The following PEBP4 variants were observed in gnomAD, a reference collection of about 807,000 sequenced individuals.
The protein encoded by PEBP4 is phosphatidylethanolamine-binding protein 4.
In PEBP4, 22 loss-of-function variants were observed where a neutral mutation model predicts 23.9. The ratio of observed to expected loss-of-function variants is 0.92; its 90% CI spans 0.66 to 1.31. The LOEUF (loss-of-function observed/expected upper bound fraction) is 1.31, where lower values mean the gene tolerates loss of function less well. PEBP4 is among the 40% of genes most tolerant of loss of function. PEBP4 has a pLI of 0.00. For synonymous variants in PEBP4, 112 were observed against 99.3 expected (o/e 1.13, Z -0.76); for missense variants, 324 against 281.7 (o/e 1.15, Z -1.07).
intron 3 of PEBP4, among the ~76,000 whole-genome samples, chr8:22,846,549 G>A (rs927541724): frequency 2.6e-5 from 4 of 152,126 alleles, no homozygotes; most frequent in African/African-American, 7.2e-5. Context: ...TCACCACTGC[G>A]ATGCCCACAG....
At position 22,842,674 on chromosome 8, in the gene PEBP4, C is replaced by A. The variant is rs1807353019; in HGVS notation, c.259-24939G>T. Among the ~76,000 whole-genome samples, 3 of 152,100 alleles carry A rather than the reference C, an allele frequency of 2.0e-5. No homozygotes were observed. The East Asian group carries it at 5.8e-4, about 29-fold the overall frequency. ...ACAGCCATAGGAAGGGTGTGCAGGGCCGTTCCTACTGCCATAAGACGCAGG... is the reference window on the plus strand; with the variant it reads ...ACAGCCATAGGAAGGGTGTGCAGGGACGTTCCTACTGCCATAAGACGCAGG... On this transcript the variant is annotated intron_variant, in intron 3 of 6. Transcript: ENST00000256404.
At chr8:22,936,620 A>C (rs1333904187) in intron 1 of PEBP4, among the ~76,000 whole-genome samples, 1 of 152,192 alleles carries the variant, frequency 6.6e-6, no homozygotes, top group Non-Finnish European at 1.5e-5. Context: ...CGTTACTATG[A>C]TACCAAAGCC....
chr8:22,804,205 C>T (rs969492268), intron 4 of PEBP4, among the ~76,000 whole-genome samples: 2 of 152,164 alleles, frequency 1.3e-5, no homozygotes, highest in Non-Finnish European at 2.9e-5. Context: ...GTGGTATGCA[C>T]CTGTAGTCCT....
intron 4 of PEBP4, among the ~76,000 whole-genome samples, chr8:22,750,028 A>T (rs896623144): frequency 6.6e-6 from 1 of 151,316 alleles, no homozygotes; most frequent in Non-Finnish European, 1.5e-5. Flanking sequence ...TTGGTCTCGA[A>T]CTCCCGACCT....
intron 4 of PEBP4, among the ~76,000 whole-genome samples, chr8:22,744,052 T>A (rs1264060123): frequency 1.3e-5 from 2 of 152,230 alleles, no homozygotes; most frequent in Non-Finnish European, 2.9e-5. Flanking sequence ...AAAGAGATAC[T>A]TGCCCTGTGT....
At chr8:22,728,637 A>T (rs139075939) in intron 4 of PEBP4, among the ~76,000 whole-genome samples, 1,357 of 129,448 alleles carry the variant, frequency 0.01, 12 homozygotes, top group Admixed American at 0.016. Context: ...TCGCTCTGTC[A>T]TCCAGGCTGG....
chr8:22,751,653 TGTGTTGTGC>T (rs1282415866), intron 4 of PEBP4, among the ~76,000 whole-genome samples: 4 of 140,300 alleles, frequency 2.9e-5, no homozygotes, highest in Admixed American at 1.5e-4. Flanking sequence ...TGTGTGTGTG[TGTGTTGTGC>T]GTCTATATAT....
chr8:22,734,513 C>A (rs770162191), intron 4 of PEBP4, among the ~76,000 whole-genome samples: 1 of 152,182 alleles, frequency 6.6e-6, no homozygotes, highest in Non-Finnish European at 1.5e-5. Context: ...TTTCCTGGCA[C>A]CTTCATGGGC....
At chr8:22,758,585 G>C (rs1805439040) in intron 4 of PEBP4, among the ~76,000 whole-genome samples, 1 of 152,204 alleles carries the variant, frequency 6.6e-6, no homozygotes, top group Non-Finnish European at 1.5e-5. Context: ...TTTTGCACTT[G>C]CCTGGCTGTA....
chr8:22,864,613 G>C (rs898496245), intron 3 of PEBP4, among the ~76,000 whole-genome samples: 1 of 152,222 alleles, frequency 6.6e-6, no homozygotes, highest in Admixed American at 6.5e-5. Context: ...AAGTGACTCG[G>C]AGGAAGCGGC....
intron 3 of PEBP4, among the ~76,000 whole-genome samples, chr8:22,904,634 C>A (rs959978098): frequency 1.3e-5 from 2 of 152,150 alleles, no homozygotes; most frequent in Non-Finnish European, 2.9e-5. Context: ...TCAAGGAGAT[C>A]CAATGTTAAC....
At chr8:22,810,672 GT>G (rs1563223631) in intron 4 of PEBP4, among the ~76,000 whole-genome samples, 79 of 31,784 alleles carry the variant, frequency 2.5e-3, no homozygotes, top group African/African-American at 4.4e-3. Flanking sequence ...ATGGAGGGGT[GT>G]GTGTGTGTGT....
At chr8:22,925,732 G>A (rs568197292) in intron 2 of PEBP4, among the ~76,000 whole-genome samples, 14 of 152,232 alleles carry the variant, frequency 9.2e-5, no homozygotes, top group Admixed American at 3.9e-4. Flanking sequence ...GAAACACCAG[G>A]AACTGCTGAG....
intron 4 of PEBP4, among the ~76,000 whole-genome samples, chr8:22,790,420 G>C (rs369583774): frequency 5.0e-4 from 76 of 152,326 alleles, no homozygotes; most frequent in African/African-American, 1.8e-3. Flanking sequence ...CAGGAAGCCT[G>C]CTTACATCGG....
chr8:22,726,784 G>T (rs147215593), intron 5 of PEBP4, among the ~76,000 whole-genome samples: 40 of 151,992 alleles, frequency 2.6e-4, no homozygotes, highest in African/African-American at 9.7e-4. Context: ...TGTGCCAGAG[G>T]CCAGCCCAGT....
At chr8:22,819,171 A>C (rs1471508225) in intron 3 of PEBP4, among the ~76,000 whole-genome samples, 6 of 152,200 alleles carry the variant, frequency 3.9e-5, no homozygotes, top group African/African-American at 1.4e-4. Flanking sequence ...TCATGGCTGA[A>C]CTGTAAAACA....
intron 4 of PEBP4, among the ~76,000 whole-genome samples, chr8:22,741,963 G>C (rs1370600996): frequency 7.9e-5 from 12 of 152,164 alleles, no homozygotes; most frequent in Admixed American, 3.3e-4. Flanking sequence ...ACCCAAAGAG[G>C]ATCAAGGGAC....
chr8:22,920,227 G>A lies in PEBP4; in HGVS notation c.215C>T (p.Thr72Ile). The change falls in exon 3 of 7, where the codon ACC becomes ATC. Residue 72 changes from threonine to isoleucine, a missense_variant. Transcript: ENST00000256404. The part of the protein sequence containing the change: ...PDCNNYRQKI[T>I]SWMEPIVKFP... ...CTTGACTATCGGCTCCATCCAGGAG[G>A]TGATCTTCTGTCTGTAGTTGTTACA... The A allele has an allele frequency of 6.2e-7, 1 of 1,613,672 alleles. No homozygotes were observed. The highest frequency in any genetic ancestry group is 8.5e-7 in the Non-Finnish European group (1 of 1,179,722).
intron 3 of PEBP4, among the ~76,000 whole-genome samples, chr8:22,843,787 A>G (rs981998958): frequency 6.6e-6 from 1 of 152,204 alleles, no homozygotes; most frequent in African/African-American, 2.4e-5. Context: ...GGGAAGCTCG[A>G]AGAGCCTGGA....
Sources: allele counts gnomAD v4.1 joint callset (sites outside exome capture counted in the v4.1 genomes callset), GRCh38; gene constraint gnomAD v4.1.1; transcripts MANE v1.5; gene names NCBI Gene and HGNC (gene_info 2026-07-23, HGNC 2026-07-21).